The following DPYD variants were observed in gnomAD, a reference collection of about 807,000 sequenced individuals.
DPYD encodes dihydropyrimidine dehydrogenase, also known as dihydropyrimidine dehydrogenase [NADP(+)].
DPYD carries 109 observed loss-of-function variants against 116.2 expected under a neutral mutation model. That is an observed-to-expected ratio of 0.94 (90% CI 0.80 to 1.10). The LOEUF (loss-of-function observed/expected upper bound fraction) is 1.10. Ranked by LOEUF, DPYD falls within the 50% of genes least tolerant of loss-of-function variation. The probability of loss-of-function intolerance (pLI) is 0.00; values close to 1 mark genes in which losing one functional copy is unlikely to be tolerated. For missense variants in DPYD, 1,302 were observed against 1,254.5 expected, an observed-to-expected ratio of 1.04 and a Z score of -0.57; for synonymous variants, 440 against 432.0, an observed-to-expected ratio of 1.02 and a Z score of -0.23.
At chr1:97,382,996 T>C (rs996636358) in intron 14 of DPYD, among the ~76,000 whole-genome samples, 2 of 152,218 alleles carry the variant, frequency 1.3e-5, no homozygotes, top group Non-Finnish European at 2.9e-5. Flanking sequence ...GTATTGATTA[T>C]TTAACTACAT....
At chr1:97,827,988 C>T (rs1400979296) in intron 3 of DPYD, 126 bp downstream of exon 3, 1 of 931,088 alleles carries the variant, frequency 1.1e-6, no homozygotes, top group Non-Finnish European at 1.7e-6. Context: ...AGTCTCTCCA[C>T]TGACAAATTA....
At chr1:97,698,481 T>C (rs1057294561) in intron 6 of DPYD, among the ~76,000 whole-genome samples, 3 of 151,914 alleles carry the variant, frequency 2.0e-5, no homozygotes, top group African/African-American at 7.2e-5. Flanking sequence ...AGTAACAAAT[T>C]TGATTAAATT....
At chr1:97,135,880 G>C (rs1337634822) in intron 20 of DPYD, among the ~76,000 whole-genome samples, 1 of 152,124 alleles carries the variant, frequency 6.6e-6, no homozygotes, top group Non-Finnish European at 1.5e-5. Flanking sequence ...CTGAGAGAGT[G>C]TTTCTGTTAT....
chr1:97,317,355 G>A (rs1430049421), intron 16 of DPYD, among the ~76,000 whole-genome samples: 1 of 151,914 alleles, frequency 6.6e-6, no homozygotes, highest in Non-Finnish European at 1.5e-5. Flanking sequence ...ACCCCAGCAG[G>A]TTTCCTAATC....
Position 97,335,299 on chromosome 1 carries a change from T to TACACACACACACAC in DPYD, c.2059-29016_2059-29003dup, listed in dbSNP as rs35371362. The stretch of plus-strand genomic sequence containing the variant: ...CATCACAATCATTTATGGAGTTAAG[T>TACACACACACACAC]ACACACACACACACACACACACACA... On this transcript the variant is annotated intron_variant, in intron 16 of 22. Coordinates refer to ENST00000370192, the MANE Select transcript of DPYD (RefSeq NM_000110.4). Among the ~76,000 whole-genome samples, 69 of 136,316 alleles carry TACACACACACACAC rather than the reference T, an allele frequency of 5.1e-4. 1 individual carries two copies. The highest frequency in any genetic ancestry group is 1.8e-3 in the African/African-American group (66 of 35,926). The allele number at this position is 136,316 out of a possible 152,430, so 89.4% of individuals were successfully genotyped here. A position where few individuals can be genotyped will look rare whatever the true frequency, so the allele number is the denominator to read the frequency against.
chr1:97,397,343 A>G (rs974419124), intron 14 of DPYD, among the ~76,000 whole-genome samples: 1 of 152,084 alleles, frequency 6.6e-6, no homozygotes, highest in Admixed American at 6.6e-5. Context: ...TCTTATATGT[A>G]TATGAACCTA....
intron 1 of DPYD, among the ~76,000 whole-genome samples, chr1:97,887,342 T>C (rs1419277874): frequency 6.6e-6 from 1 of 151,196 alleles, no homozygotes; most frequent in Non-Finnish European, 1.5e-5. Context: ...TGGTGGCATA[T>C]GCCTGTGGTC....
At chr1:97,434,780 G>C (rs1341365864) in intron 14 of DPYD, among the ~76,000 whole-genome samples, 3 of 152,030 alleles carry the variant, frequency 2.0e-5, no homozygotes, top group African/African-American at 7.2e-5. Flanking sequence ...AGAAAATACA[G>C]TTTCTTAGCA....
intron 13 of DPYD, among the ~76,000 whole-genome samples, chr1:97,487,523 A>C (rs1678713051): frequency 6.6e-6 from 1 of 152,046 alleles, no homozygotes; most frequent in Admixed American, 6.5e-5. Context: ...AATACAAAAA[A>C]TTAGCCGGGT....
chr1:97,329,028 G>C (rs1285055723), intron 16 of DPYD, among the ~76,000 whole-genome samples: 1 of 152,054 alleles, frequency 6.6e-6, no homozygotes, highest in African/African-American at 2.4e-5. Context: ...TATTTTCCAA[G>C]GTGAGTGAGA....
intron 8 of DPYD, among the ~76,000 whole-genome samples, chr1:97,610,572 T>C (rs530723251): frequency 4.6e-5 from 7 of 152,152 alleles, no homozygotes; most frequent in African/African-American, 1.7e-4. Context: ...AGGTCCTCTA[T>C]TGACAGAACT....
At chr1:97,559,818 A>C (rs1652011393) in intron 11 of DPYD, among the ~76,000 whole-genome samples, 2 of 152,224 alleles carry the variant, frequency 1.3e-5, no homozygotes, top group Non-Finnish European at 2.9e-5. Context: ...CAACATTGGC[A>C]AAGGCTATAT....
chr1:97,235,355 C>T lies in DPYD; in HGVS notation c.2300-361G>A, dbSNP rs1661844200. 2.6e-5 allele frequency among the ~76,000 whole-genome samples: 4 copies of T among 152,142 alleles called. No homozygotes were observed. The South Asian group carries it at 6.2e-4, about 24-fold the overall frequency. ...AGAATATTTGAGCATCAGTGGCTCA[C>T]GCCTGTAATCCTAGCACTTTGGGAG... On this transcript the variant is annotated intron_variant, in intron 18 of 22. Coordinates refer to ENST00000370192, the MANE Select transcript of DPYD (RefSeq NM_000110.4).
chr1:97,220,122 G>A (rs537321413), intron 19 of DPYD, among the ~76,000 whole-genome samples: 7 of 152,260 alleles, frequency 4.6e-5, no homozygotes, highest in East Asian at 1.9e-4. Context: ...CAATGTGGCA[G>A]TATTGAGAGG....
At chr1:97,272,318 G>A (rs1441166477) in intron 18 of DPYD, among the ~76,000 whole-genome samples, 2 of 152,074 alleles carry the variant, frequency 1.3e-5, no homozygotes, top group Admixed American at 6.6e-5. Flanking sequence ...TATTTGCACA[G>A]CAATTAATCA....
At chr1:97,434,506 C>G (rs1412114299) in intron 14 of DPYD, among the ~76,000 whole-genome samples, 1 of 151,956 alleles carries the variant, frequency 6.6e-6, no homozygotes, top group Non-Finnish European at 1.5e-5. Flanking sequence ...TGCATAAATT[C>G]TTTCTATCCT....
intron 20 of DPYD, among the ~76,000 whole-genome samples, chr1:97,108,930 T>C (rs769904580): frequency 4.0e-5 from 6 of 151,706 alleles, no homozygotes; most frequent in Non-Finnish European, 8.8e-5. Context: ...CATATTAGAG[T>C]TTTAGGATTT....
At chr1:97,620,776 T>C (rs571279366) in intron 8 of DPYD, among the ~76,000 whole-genome samples, 4 of 152,292 alleles carry the variant, frequency 2.6e-5, no homozygotes, top group African/African-American at 9.6e-5. Context: ...TTCATACTTC[T>C]GCCCCTATCT....
intron 18 of DPYD, among the ~76,000 whole-genome samples, chr1:97,277,027 T>TA (rs746741153): frequency 6.6e-6 from 1 of 152,120 alleles, no homozygotes; most frequent in African/African-American, 2.4e-5. Context: ...TATGCAGCCA[T>TA]AAAAAAGAAT....
Sources: allele counts gnomAD v4.1 joint callset (sites outside exome capture counted in the v4.1 genomes callset), GRCh38; gene constraint gnomAD v4.1.1; transcripts MANE v1.5; gene names NCBI Gene and HGNC (gene_info 2026-07-23, HGNC 2026-07-21).